Variants in USP4 observed in about 807,000 individuals in gnomAD.
The protein encoded by USP4 is ubiquitin carboxyl-terminal hydrolase 4.
Under a neutral mutation model 118.2 loss-of-function variants are expected in USP4, and 72 were observed. The ratio of observed to expected loss-of-function variants is 0.61; its 90% confidence interval spans 0.50 to 0.74. USP4 has a LOEUF of 0.74. USP4 is among the 30% of genes least tolerant of loss of function. The pLI, the probability that USP4 is intolerant of heterozygous loss-of-function variation, is 0.00. For missense variants in USP4, 1,037 were observed against 1,185.7 expected, an observed-to-expected ratio of 0.87 and a Z score of 1.84; for synonymous variants, 415 against 440.4, an observed-to-expected ratio of 0.94 and a Z score of 0.72.
chr3:49,320,837 C>T (rs1559477465), intron 6 of USP4, among the ~76,000 whole-genome samples: 1 of 151,598 alleles, frequency 6.6e-6, no homozygotes, highest in East Asian at 1.9e-4. Context: ...ATTAATTTTC[C>T]TTTTGCAGGT....
intron 13 of USP4, 79 bp from the exon 14 acceptor site, chr3:49,294,677 G>A (rs992163988): frequency 2.1e-6 from 3 of 1,400,492 alleles, no homozygotes; most frequent in Non-Finnish European, 3.0e-6. Flanking sequence ...GCTATGTGGT[G>A]GCCAGGGCTA....
chr3:49,288,881 A>C (rs1005628723), intron 15 of USP4, among the ~76,000 whole-genome samples: 17 of 152,140 alleles, frequency 1.1e-4, no homozygotes, highest in African/African-American at 4.1e-4. Flanking sequence ...AGGTTGAGGC[A>C]GATGGATTGC....
chr3:49,284,090 CAA>C lies in USP4; in HGVS notation c.2435_2436del (p.Phe812Ter), dbSNP rs1365668004. ...CKKHQQATKK[F>X]DLWSLPKILV... Reference sequence around the variant, plus strand: ...AGGATCTTGGGCAAGGACCATAGGTCAAACTTTTTTGTGGCCTGTTGATGCTT... The same window carrying C: ...AGGATCTTGGGCAAGGACCATAGGTCACTTTTTTGTGGCCTGTTGATGCTT... On this transcript the variant is annotated frameshift_variant, in exon 19 of 22. Transcript: ENST00000265560. LOFTEE classifies it high-confidence loss of function. 6.2e-7 allele frequency: 1 copy of C among 1,614,222 alleles called. No homozygotes were observed. Among genetic ancestry groups the C allele is most frequent in the Admixed American group, 1.7e-5 (1 of 60,028 alleles).
chr3:49,335,314 G>A (rs1485500008), intron 2 of USP4, among the ~76,000 whole-genome samples, 155 bp downstream of exon 2: 1 of 152,192 alleles, frequency 6.6e-6, no homozygotes. Context: ...TTCTCATTAA[G>A]GGTTTGCAAA....
chr3:49,280,227 G>A (rs560158004), intron 20 of USP4, among the ~76,000 whole-genome samples: 2 of 152,046 alleles, frequency 1.3e-5, no homozygotes, highest in African/African-American at 4.8e-5. Flanking sequence ...CTGCGCCACT[G>A]CTTTCCAGCC....
intron 11 of USP4, 79 bp from the exon 12 acceptor site, chr3:49,298,714 A>G: frequency 1.6e-6 from 2 of 1,249,944 alleles, no homozygotes; most frequent in South Asian, 2.4e-5. Flanking sequence ...AGGCATCACT[A>G]GGGGCAGAGG....
intron 6 of USP4, chr3:49,312,563 T>C: frequency 2.2e-6 from 1 of 448,846 alleles, no homozygotes; most frequent in Non-Finnish European, 4.5e-6. Flanking sequence ...GAAGTTGCAG[T>C]GAGCCAAGAT....
chr3:49,291,964 T>A (rs1237544078), intron 15 of USP4, among the ~76,000 whole-genome samples: 4 of 151,932 alleles, frequency 2.6e-5, no homozygotes, highest in Non-Finnish European at 5.9e-5. Flanking sequence ...CCCGCCACCA[T>A]GTCCGGCTAA....
At chr3:49,281,527 CACACATATAT>C (rs1559463106) in intron 19 of USP4, among the ~76,000 whole-genome samples, 2 of 148,028 alleles carry the variant, frequency 1.4e-5, no homozygotes, top group African/African-American at 5.1e-5. Flanking sequence ...CACACACACA[CACACATATAT>C]ACATTTATAT....
intron 8 of USP4, 32 bp downstream of exon 8, chr3:49,310,588 T>C: frequency 6.4e-7 from 1 of 1,571,030 alleles, no homozygotes; most frequent in African/African-American, 1.3e-5. Context: ...CTCAAGATGC[T>C]GTGTTATTTG....
chr3:49,325,079 A>C, intron 4 of USP4, 40 bp from the exon 5 acceptor site: 1 of 1,600,460 alleles, frequency 6.2e-7, no homozygotes, highest in Non-Finnish European at 8.5e-7. Flanking sequence ...CTTTGTCCAC[A>C]TGCAAGGCTA....
At chr3:49,322,966 C>G (rs2047517758) in intron 6 of USP4, among the ~76,000 whole-genome samples, 1 of 151,438 alleles carries the variant, frequency 6.6e-6, no homozygotes, top group African/African-American at 2.4e-5. Flanking sequence ...CACTGGTGAA[C>G]AGACATTCTT....
Position 49,335,507 on chromosome 3 carries a change from A to G in USP4, c.191T>C (p.Leu64Pro), listed in dbSNP as rs777049476. The change falls in exon 2 of 22, where the codon CTA becomes CCA. Residue 64 changes from leucine (L) to proline (P), a missense_variant. This residue lies in a region of USP4 where 487 missense variants were observed against 534.1 expected (regional missense o/e 0.91). Transcript: ENST00000265560. ...AGAGTTGTCTATTGGGCCAGGAAAT[A>G]GGTTATGTTCACCCACATTGTACAT... ...WDMYNVGEHN[L>P]FPGPIDNSGL... 5 of 1,614,234 alleles carry G rather than the reference A, an allele frequency of 3.1e-6. No individual in the cohort carries two copies. In the Admixed American group the frequency reaches 6.7e-5, roughly 22 times the overall value.
Position 49,335,545 on chromosome 3 carries a change from A to G in USP4, c.153T>C (p.Phe51=). The part of the protein sequence containing the change: ...WFKQWKKYVG[F]DSWDMYNVGE... ...CCACATTGTACATGTCCCAGCTGTC[A>G]AAGCCCACATACTTCTTCCACTGCT... Residue 51 remains phenylalanine (F), a synonymous_variant, in exon 2 of 22, where the codon TTT becomes TTC. Transcript: ENST00000265560. 3 of 1,614,226 alleles carry G rather than the reference A, an allele frequency of 1.9e-6. No individual in the cohort carries two copies. Among genetic ancestry groups the G allele is most frequent in the Non-Finnish European group, 2.5e-6 (3 of 1,180,042 alleles).
intron 6 of USP4, among the ~76,000 whole-genome samples, chr3:49,323,210 G>A (rs569171866): frequency 1.6e-3 from 224 of 139,094 alleles, no homozygotes; most frequent in Non-Finnish European, 2.9e-3. Context: ...CAGGTGAGCC[G>A]CCCACCTCGG....
intron 1 of USP4, among the ~76,000 whole-genome samples, chr3:49,338,998 T>A (rs866427240): frequency 9.2e-5 from 14 of 151,864 alleles, no homozygotes; most frequent in South Asian, 2.1e-4. Context: ...ATACAAAAAA[T>A]TAGCTGGGTG....
At chr3:49,326,521 C>T (rs942900003) in intron 3 of USP4, among the ~76,000 whole-genome samples, 4 of 151,648 alleles carry the variant, frequency 2.6e-5, no homozygotes, top group East Asian at 1.9e-4. Context: ...CTCAGCCTCC[C>T]GAGTAGCTGG....
Position 49,286,336 on chromosome 3 carries a change from A to C in USP4, c.1973-11T>G. On this transcript the variant is annotated splice_polypyrimidine_tract_variant and intron_variant, in intron 15 of 21. Coordinates refer to ENST00000265560, the MANE Select transcript of USP4 (RefSeq NM_003363.4). ...CTTCCTCATCTTCTCCTGGCACATA[A>C]ATGGAAAACAATATGTATATAATTT... 6.2e-7 allele frequency: 1 copy of C among 1,612,164 alleles called. No homozygotes were observed. Among genetic ancestry groups the C allele is most frequent in the South Asian group, 1.1e-5 (1 of 91,010 alleles).
At chr3:49,281,482 A>G (rs1276575652) in intron 19 of USP4, among the ~76,000 whole-genome samples, 3 of 98,618 alleles carry the variant, frequency 3.0e-5, no homozygotes, top group Non-Finnish European at 6.4e-5. Flanking sequence ...ATGTGTATAT[A>G]TATATATATA....
Sources: allele counts gnomAD v4.1 joint callset (sites outside exome capture counted in the v4.1 genomes callset), GRCh38; gene constraint gnomAD v4.1.1; regional missense constraint gnomAD v4.1.1; transcripts MANE v1.5; gene names NCBI Gene and HGNC (gene_info 2026-07-23, HGNC 2026-07-21).